Variants in ZMYM2 observed in about 807,000 individuals in gnomAD.
ZMYM2 encodes the protein zinc finger MYM-type containing 2.
A neutral mutation model predicts 162.8 loss-of-function variants in ZMYM2; 56 were observed. The observed-to-expected ratio is 0.34, with a 90% CI of 0.28 to 0.43. The LOEUF (loss-of-function observed/expected upper bound fraction) is 0.43, where lower values mean the gene tolerates loss of function less well. Ranked by LOEUF, ZMYM2 falls within the 20% of genes least tolerant of loss-of-function variation. The pLI, the probability that ZMYM2 is intolerant of heterozygous loss-of-function variation, is 1.00. For synonymous variants in ZMYM2, 510 were observed against 541.6 expected (o/e 0.94, Z 0.81); for missense variants, 1,275 against 1,621.8 (o/e 0.79, Z 3.67).
the ZMYM2 span, among the ~76,000 whole-genome samples, chr13:19,870,511 C>T: frequency 3.5e-5 from 5 of 141,246 alleles, no homozygotes. Context: ...CCCTCCCTCC[C>T]TCCCTCTTTC....
intron 7 of ZMYM2, among the ~76,000 whole-genome samples, chr13:20,021,601 A>G (rs1952111512): frequency 6.6e-6 from 1 of 152,128 alleles, no homozygotes; most frequent in Non-Finnish European, 1.5e-5. Context: ...ATTTATTCAT[A>G]CTACCGCGGT....
intron 2 of ZMYM2, among the ~76,000 whole-genome samples, chr13:19,991,659 C>G (rs916715071): frequency 1.5e-5 from 2 of 129,868 alleles, no homozygotes; most frequent in Non-Finnish European, 3.1e-5. Flanking sequence ...GAGACAGGTT[C>G]TCACTCTGTA....
the ZMYM2 span, among the ~76,000 whole-genome samples, chr13:19,877,081 G>C: frequency 2.0e-5 from 3 of 151,984 alleles, no homozygotes; most frequent in Non-Finnish European, 4.4e-5. Context: ...GCGCAGTGGC[G>C]GGCGCCTGTA....
intron 21 of ZMYM2, among the ~76,000 whole-genome samples, chr13:20,069,893 C>T (rs1035953124): frequency 2.0e-5 from 3 of 151,538 alleles, no homozygotes; most frequent in Admixed American, 6.6e-5. Flanking sequence ...CAACTAATGC[C>T]CTGGTATCTC....
chr13:19,939,065 C>T, the ZMYM2 span, among the ~76,000 whole-genome samples: 11 of 148,572 alleles, frequency 7.4e-5, no homozygotes, highest in Non-Finnish European at 1.3e-4. Context: ...GCTCTGTCAC[C>T]CAGGGTGGAG....
the ZMYM2 span, among the ~76,000 whole-genome samples, chr13:19,924,969 C>T: frequency 1.3e-5 from 2 of 150,958 alleles, no homozygotes; most frequent in Admixed American, 1.3e-4. Context: ...ACTGCAACCT[C>T]GGCCTCCCAG....
chr13:19,967,439 C>T (rs767968952), intron 2 of ZMYM2, among the ~76,000 whole-genome samples: 1 of 152,134 alleles, frequency 6.6e-6, no homozygotes, highest in African/African-American at 2.4e-5. Context: ...GAGTTGGAGT[C>T]ATACAGATTC....
chr13:20,081,909 G>T, intron 21 of ZMYM2, 107 bp from the exon 22 acceptor site: 1 of 616,494 alleles, frequency 1.6e-6, no homozygotes, highest in East Asian at 3.3e-5. Context: ...GCATTTCAAA[G>T]ACATAAAGCT....
rs559369309 is a variant in ZMYM2 at position 19,977,348 on chromosome 13, A to G, written c.-10-15715A>G. 2.6e-5 allele frequency among the ~76,000 whole-genome samples: 4 copies of G among 152,226 alleles called. No homozygotes were observed. The East Asian group carries it at 7.7e-4, about 29-fold the overall frequency. On this transcript the variant is annotated intron_variant, in intron 2 of 24. Transcript: ENST00000610343. Reference sequence around the variant, plus strand: ...AAAGTGAATCTTTTGTAGACAGCATATAGATGGATCGTGTTTTAAAAAATT... The same window carrying G: ...AAAGTGAATCTTTTGTAGACAGCATGTAGATGGATCGTGTTTTAAAAAATT...
intron 10 of ZMYM2, 35 bp downstream of exon 10, chr13:20,031,470 C>A (rs1594469266): frequency 2.2e-6 from 3 of 1,333,372 alleles, no homozygotes; most frequent in African/African-American, 3.0e-5. Context: ...TTATCTAATG[C>A]TAAAAAGAAA....
the ZMYM2 span, among the ~76,000 whole-genome samples, chr13:19,880,139 C>A: frequency 6.6e-6 from 1 of 152,110 alleles, no homozygotes; most frequent in African/African-American, 2.4e-5. Flanking sequence ...TTTCCTAGTT[C>A]CCCAGCTTTC....
At chr13:20,043,303 G>A (rs561531829) in intron 12 of ZMYM2, among the ~76,000 whole-genome samples, 19 of 152,298 alleles carry the variant, frequency 1.2e-4, no homozygotes, top group Admixed American at 2.6e-4. Flanking sequence ...TTGGTAGTGC[G>A]GTGACAGCAG....
chr13:20,008,908 AATAAAG>A (rs1177201781), intron 6 of ZMYM2, among the ~76,000 whole-genome samples: 3 of 152,216 alleles, frequency 2.0e-5, no homozygotes, highest in Non-Finnish European at 4.4e-5. Flanking sequence ...GAAGAAAGGA[AATAAAG>A]ATAAAAGGAT....
At chr13:19,974,313 G>A (rs1279021738) in intron 2 of ZMYM2, among the ~76,000 whole-genome samples, 1 of 152,094 alleles carries the variant, frequency 6.6e-6, no homozygotes, top group Non-Finnish European at 1.5e-5. Flanking sequence ...ATTTATATTT[G>A]TGGTTGATCC....
At chr13:20,075,604 C>T (rs918686512) in intron 21 of ZMYM2, among the ~76,000 whole-genome samples, 8 of 148,130 alleles carry the variant, frequency 5.4e-5, no homozygotes, top group Non-Finnish European at 1.0e-4. Flanking sequence ...TTCTTTCATA[C>T]ACTGTTTTAC....
At chr13:19,884,374 G>C in the ZMYM2 span, among the ~76,000 whole-genome samples, 3 of 151,680 alleles carry the variant, frequency 2.0e-5, no homozygotes, top group East Asian at 3.9e-4. Context: ...AGTAGATCGA[G>C]ACGGCCCGGG....
intron 6 of ZMYM2, among the ~76,000 whole-genome samples, chr13:20,008,485 A>G (rs945213346): frequency 1.3e-5 from 2 of 152,218 alleles, no homozygotes; most frequent in Non-Finnish European, 2.9e-5. Flanking sequence ...TATCATAGGT[A>G]TGTGTCTATG....
At chr13:19,870,808 G>A in the ZMYM2 span, among the ~76,000 whole-genome samples, 1 of 151,496 alleles carries the variant, frequency 6.6e-6, no homozygotes, top group Non-Finnish European at 1.5e-5. Context: ...TGTATTTTTA[G>A]TAGAGACGGG....
Position 20,082,937 on chromosome 13 carries a change from C to T in ZMYM2, c.3725C>T (p.Thr1242Ile). 1 of 1,613,906 alleles carries T rather than the reference C, an allele frequency of 6.2e-7. No individual in the cohort carries two copies. The highest frequency in any genetic ancestry group is 8.5e-7 in the Non-Finnish European group (1 of 1,179,866). ...CAACACTTAAGACTTTCCTTTGGCA[C>T]TGTGTTTAGGCATTGGAAAAAAAAT... ...VEQHLRLSFG[T>I]VFRHWKKNPL... is the part of the protein sequence containing the mutation. The change falls in exon 23 of 25, where the codon ACT becomes ATT. Residue 1242 changes from threonine to isoleucine, a missense_variant. Thr to Ile is a moderately conservative substitution (Grantham distance 89, BLOSUM62 -1). This residue lies in a region of ZMYM2 where 103 missense variants were observed against 192.2 expected (regional missense o/e 0.54). Coordinates refer to ENST00000610343, the MANE Select transcript of ZMYM2 (RefSeq NM_197968.4).
Sources: gnomAD v4.1 joint callset for allele counts (sites outside exome capture counted in the v4.1 genomes callset) on GRCh38, gnomAD v4.1.1 for gene constraint, gnomAD v4.1.1 regional missense constraint, MANE v1.5 for transcripts, NCBI Gene and HGNC (gene_info 2026-07-23, HGNC 2026-07-21) for gene names.